PLSCR1: variants seen among roughly 807,000 people sequenced by gnomAD.
PLSCR1 encodes the protein phospholipid scramblase 1.
In PLSCR1, 17 loss-of-function variants were observed where a neutral mutation model predicts 37.8. The ratio of observed to expected loss-of-function variants is 0.45; its 90% CI spans 0.31 to 0.68. The LOEUF is 0.68. Ranked by LOEUF, PLSCR1 falls within the 30% of genes least tolerant of loss-of-function variation. The probability of loss-of-function intolerance (pLI) is 0.06; values close to 1 mark genes in which losing one functional copy is unlikely to be tolerated. For missense variants in PLSCR1, 347 were observed against 380.9 expected, an observed-to-expected ratio of 0.91 and a Z score of 0.74; for synonymous variants, 116 against 125.9, an observed-to-expected ratio of 0.92 and a Z score of 0.53.
chr3:146,528,931 G>T, intron 3 of PLSCR1, 100 bp from the exon 4 acceptor site: 1 of 755,966 alleles, frequency 1.3e-6, no homozygotes, highest in Non-Finnish European at 2.1e-6. Context: ...ACATTTCAGC[G>T]TAGACATCTG....
At chr3:146,539,090 AG>A (rs1468905020) in intron 1 of PLSCR1, among the ~76,000 whole-genome samples, 2 of 152,208 alleles carry the variant, frequency 1.3e-5, no homozygotes, top group Non-Finnish European at 2.9e-5. Flanking sequence ...ATATAACAAA[AG>A]GATTATACAA....
chr3:146,517,167 T>C lies in PLSCR1; in HGVS notation c.739A>G (p.Ile247Val). 6.7e-7 allele frequency: 1 copy of C among 1,489,140 alleles called. No homozygotes were observed. Among genetic ancestry groups the C allele is most frequent in the South Asian group, 1.4e-5 (1 of 73,302 alleles). 92.2% of individuals were successfully genotyped at this position (1,489,140 alleles called of 1,614,324 possible). Residue 247 changes from isoleucine (I) to valine (V), a missense_variant and splice_region_variant, in exon 8 of 9, where the codon ATT becomes GTT. Ile to Val is a conservative substitution (Grantham distance 29). Transcript: ENST00000342435. The stretch of plus-strand genomic sequence containing the variant: ...ACACACTGTTCATCAAGAGATTTAA[T>C]CTAAATTGAAAAAAAAAAGTATTAA... Reference protein sequence around the residue: ...CSCCGDVDFEIKSLDEQCVVG... With the variant: ...CSCCGDVDFEVKSLDEQCVVG...
rs2043937929 is a variant in PLSCR1, at chr3:146,515,788, C to T, written c.*257G>A. ...GGACAATGAATCAGAGATCATAATT[C>T]AAAGCAGTTTTTCAAAGGAAGTTTC... On this transcript the variant is annotated 3_prime_UTR_variant, in exon 9 of 9. Transcript: ENST00000342435. 6.6e-6 allele frequency: 2 copies of T among 303,010 alleles called. No individual in the cohort carries two copies. Among genetic ancestry groups the T allele is most frequent in the East Asian group, 1.1e-4 (2 of 17,774 alleles). 18.8% of individuals were successfully genotyped at this position (303,010 alleles called of 1,614,324 possible).
intron 8 of PLSCR1, 89 bp from the exon 9 acceptor site, chr3:146,516,190 AAC>A (rs2043943740): frequency 2.8e-6 from 2 of 708,264 alleles, no homozygotes; most frequent in South Asian, 1.8e-5. Context: ...GATCTAGTGA[AAC>A]ACAGTAACAA....
intron 4 of PLSCR1, among the ~76,000 whole-genome samples, chr3:146,526,183 C>CAAAAAAAAAAAAAAAAAAAAA (rs60229241): frequency 5.1e-4 from 22 of 42,720 alleles, no homozygotes; most frequent in Non-Finnish European, 6.1e-4. Flanking sequence ...GACTCCATCT[C>CAAAAAAAAAAAAAAAAAAAAA]AAAAAAAAAA....
chr3:146,522,269 G>T (rs904109704), intron 5 of PLSCR1, among the ~76,000 whole-genome samples: 10 of 152,018 alleles, frequency 6.6e-5, no homozygotes, highest in Admixed American at 6.6e-5. Context: ...TATGCCGTGG[G>T]GAAAAGAGAG....
At chr3:146,534,669 C>T (rs1560089027) in intron 2 of PLSCR1, among the ~76,000 whole-genome samples, 1 of 151,850 alleles carries the variant, frequency 6.6e-6, no homozygotes, top group Admixed American at 6.6e-5. Context: ...CTCTCCTACT[C>T]GTTCAAGACT....
chr3:146,527,557 AT>A (rs1180986842), intron 4 of PLSCR1, among the ~76,000 whole-genome samples: 8 of 151,562 alleles, frequency 5.3e-5, no homozygotes, highest in Non-Finnish European at 7.4e-5. Context: ...CATCAAAGAG[AT>A]TTTTTTTTAC....
chr3:146,542,171 G>A (rs899823904), intron 1 of PLSCR1, among the ~76,000 whole-genome samples: 4 of 152,134 alleles, frequency 2.6e-5, no homozygotes, highest in Non-Finnish European at 5.9e-5. Flanking sequence ...ACACAGTCTA[G>A]GTCTAGTAGG....
rs761001112 is a variant in PLSCR1 at position 146,521,716 on chromosome 3, A to G, written c.577-11T>C. 6.2e-7 allele frequency: 1 copy of G among 1,606,344 alleles called. No individual in the cohort carries two copies. The highest frequency in any genetic ancestry group is 1.7e-5 in the Admixed American group (1 of 59,674). On this transcript the variant is annotated splice_polypyrimidine_tract_variant and intron_variant, in intron 6 of 8. Transcript: ENST00000342435. The stretch of plus-strand genomic sequence containing the variant: ...AGCTTGGATTTCTATCTACAAAGGC[A>G]AAATAATATATGTAAATGTAATAAT...
chr3:146,533,478 G>C lies in PLSCR1; in HGVS notation c.86C>G (p.Ala29Gly). Residue 29 changes from alanine to glycine, a missense_variant, in exon 3 of 9, where the codon GCA becomes GGA. Physicochemically the swap from Ala to Gly is moderately conservative, Grantham distance 60 (BLOSUM62 0). Transcript: ENST00000342435. ...VGYPPQYPPT[A>G]FQGPPGYSGY... ...TTCAGCAACTGCTTTACCTTGGAATGCTGTCGGTGGATACTGAGGAGGATA... is the reference window on the plus strand; with the variant it reads ...TTCAGCAACTGCTTTACCTTGGAATCCTGTCGGTGGATACTGAGGAGGATA... 1 of 1,590,204 alleles carries C rather than the reference G, an allele frequency of 6.3e-7. No individual in the cohort carries two copies. The highest frequency in any genetic ancestry group is 8.6e-7 in the Non-Finnish European group (1 of 1,161,620).
Position 146,522,016 on chromosome 3 carries a change from A to G in PLSCR1, c.393T>C (p.Ile131=). ...TGFETNNKYE[I]KNSFGQRVYF... Reference sequence around the variant, plus strand: ...AAACCCTCTGTCCAAAGCTGTTCTTAATTTCATATTTGTTATTAGTTTCAA... The same window carrying G: ...AAACCCTCTGTCCAAAGCTGTTCTTGATTTCATATTTGTTATTAGTTTCAA... The change falls in exon 6 of 9, where the codon ATT becomes ATC. Residue 131 remains isoleucine (I), a synonymous_variant. Coordinates refer to ENST00000342435, the MANE Select transcript of PLSCR1 (RefSeq NM_021105.3). The G allele has an allele frequency of 1.2e-6, 2 of 1,611,312 alleles. No homozygotes were observed. The highest frequency in any genetic ancestry group is 1.7e-6 in the Non-Finnish European group (2 of 1,177,400).
In PLSCR1 at chr3:146,528,236, G is replaced by A. The variant is rs1325741261; in HGVS notation, c.312+378C>T. ...TGACTCTTTAGGTTCTCACCCCAGA[G>A]TGAGCTATATAACCTCTCTGGACCT... On this transcript the variant is annotated intron_variant, in intron 4 of 8. Coordinates refer to ENST00000342435, the MANE Select transcript of PLSCR1 (RefSeq NM_021105.3). The A allele has an allele frequency of 1.5e-5, 3 of 193,864 alleles. No individual in the cohort carries two copies. The South Asian group carries it at 2.9e-4, about 19-fold the overall frequency. The allele number at this position is 193,864 out of a possible 1,614,324, so 12.0% of individuals were successfully genotyped here. A position where few individuals can be genotyped will look rare whatever the true frequency, so the allele number is the denominator to read the frequency against.
Position 146,517,162 on chromosome 3 carries a change from T to G in PLSCR1, c.744A>C (p.Lys248Asn). 6.6e-7 allele frequency: 1 copy of G among 1,505,864 alleles called. No homozygotes were observed. The highest frequency in any genetic ancestry group is 1.3e-5 in the South Asian group (1 of 74,714). 93.3% of individuals were successfully genotyped at this position (1,505,864 alleles called of 1,614,324 possible). A position where few individuals can be genotyped will look rare whatever the true frequency, so the allele number is the denominator to read the frequency against. The change falls in exon 8 of 9, where the codon AAA (lysine) becomes AAC (asparagine). Residue 248 changes from lysine (K) to asparagine (N), a missense_variant. Coordinates refer to ENST00000342435, the MANE Select transcript of PLSCR1 (RefSeq NM_021105.3). ...SCCGDVDFEI[K>N]SLDEQCVVGK... ...CAACCACACACTGTTCATCAAGAGA[T>G]TTAATCTAAATTGAAAAAAAAAAGT...
At position 146,537,380 on chromosome 3, in the gene PLSCR1, C is replaced by T. The variant is rs373205054; in HGVS notation, c.-13-815G>A. On this transcript the variant is annotated intron_variant, in intron 1 of 8. Transcript: ENST00000342435. ...CGACAATGCATTAGGCAAAACTCTGCTACCCAACATTTTTATCTTGGACCC... is the reference window on the plus strand; with the variant it reads ...CGACAATGCATTAGGCAAAACTCTGTTACCCAACATTTTTATCTTGGACCC... Among the ~76,000 whole-genome samples, 43 of 152,244 alleles carry T rather than the reference C, an allele frequency of 2.8e-4. 1 individual carries two copies. The East Asian group carries it at 3.1e-3, about 11-fold the overall frequency.
At chr3:146,542,206 C>T (rs1276510061) in intron 1 of PLSCR1, among the ~76,000 whole-genome samples, 2 of 152,110 alleles carry the variant, frequency 1.3e-5, no homozygotes, top group African/African-American at 4.8e-5. Context: ...ACTGGTCATT[C>T]CTTTTCTTGA....
chr3:146,526,183 C>CAAAAAAAAAAAAA (rs60229241), intron 4 of PLSCR1, among the ~76,000 whole-genome samples: 1 of 42,814 alleles, frequency 2.3e-5, no homozygotes, highest in African/African-American at 9.7e-5. Flanking sequence ...GACTCCATCT[C>CAAAAAAAAAAAAA]AAAAAAAAAA....
At position 146,522,038 on chromosome 3, in the gene PLSCR1, T is replaced by C; in HGVS notation, c.371A>G (p.Glu124Gly). ...CTTAATTTCATATTTGTTATTAGTTTCAAAACCTGTTAAAACTAAAAACAT... is the reference window on the plus strand; with the variant it reads ...CTTAATTTCATATTTGTTATTAGTTCCAAAACCTGTTAAAACTAAAAACAT... ...IELLEVLTGF[E>G]TNNKYEIKNS... Residue 124 changes from glutamate (E) to glycine (G), a missense_variant, in exon 6 of 9, where the codon GAA becomes GGA. Coordinates refer to ENST00000342435, the MANE Select transcript of PLSCR1 (RefSeq NM_021105.3). 1.9e-6 allele frequency: 3 copies of C among 1,590,526 alleles called. No individual in the cohort carries two copies. Among genetic ancestry groups the C allele is most frequent in the Non-Finnish European group, 2.6e-6 (3 of 1,158,536 alleles).
At chr3:146,517,321 A>G in intron 7 of PLSCR1, 154 bp from the exon 8 acceptor site, 1 of 377,674 alleles carries the variant, frequency 2.6e-6, no homozygotes, top group Non-Finnish European at 4.7e-6. Flanking sequence ...CTATTTATAG[A>G]TATATGAAAA....
Sources: gnomAD v4.1 joint callset for allele counts (sites outside exome capture counted in the v4.1 genomes callset) on GRCh38, gnomAD v4.1.1 for gene constraint, MANE v1.5 for transcripts, NCBI Gene and HGNC (gene_info 2026-07-23, HGNC 2026-07-21) for gene names.